The following ADGRB3 variants were observed in gnomAD, a reference collection of about 807,000 sequenced individuals.
ADGRB3 encodes the protein adhesion G protein-coupled receptor B3, also known as brain-specific angiogenesis inhibitor 3.
Under a neutral mutation model 193.4 loss-of-function variants are expected in ADGRB3, and 37 were observed. The ratio of observed to expected loss-of-function variants is 0.19; its 90% CI spans 0.15 to 0.25. The LOEUF (loss-of-function observed/expected upper bound fraction) is 0.25. Among genes scored for constraint, ADGRB3 ranks in the 10% least tolerant of loss-of-function variants. The pLI is 1.00. For synonymous variants in ADGRB3, 690 were observed against 644.2 expected, an observed-to-expected ratio of 1.07 and a Z score of -1.08; for missense variants, 1,637 against 1,852.9, an observed-to-expected ratio of 0.88 and a Z score of 2.14.
chr6:69,279,077 A>ATGTATT (rs1767365192), intron 20 of ADGRB3, among the ~76,000 whole-genome samples: 1 of 44,380 alleles, frequency 2.3e-5, no homozygotes, highest in Non-Finnish European at 4.4e-5. Context: ...ATATGTATAT[A>ATGTATT]TATATATATA....
At chr6:68,817,307 G>A (rs657848) in intron 3 of ADGRB3, among the ~76,000 whole-genome samples, 9,446 of 43,086 alleles carry the variant, frequency 0.22, 1,589 homozygotes, top group Non-Finnish European at 0.35. Flanking sequence ...TTTTGTCCAT[G>A]TATATATATA....
At chr6:69,121,373 C>A (rs1057295999) in intron 17 of ADGRB3, among the ~76,000 whole-genome samples, 2 of 152,192 alleles carry the variant, frequency 1.3e-5, no homozygotes, top group African/African-American at 4.8e-5. Flanking sequence ...TTTCTTAGTA[C>A]AGAACAAAAT....
chr6:69,219,435 G>A (rs1765840608), intron 17 of ADGRB3, among the ~76,000 whole-genome samples: 1 of 121,618 alleles, frequency 8.2e-6, no homozygotes, highest in Non-Finnish European at 1.8e-5. Context: ...ACATTTCTAT[G>A]CTTTAACTTA....
intron 17 of ADGRB3, among the ~76,000 whole-genome samples, chr6:69,133,931 A>G (rs991934310): frequency 1.3e-5 from 2 of 152,084 alleles, no homozygotes; most frequent in Admixed American, 6.6e-5. Flanking sequence ...GTGAGATCAT[A>G]AGATGTTTTG....
chr6:69,118,349 A>G (rs937198719), intron 17 of ADGRB3, among the ~76,000 whole-genome samples: 3 of 152,170 alleles, frequency 2.0e-5, no homozygotes, highest in Non-Finnish European at 2.9e-5. Flanking sequence ...TTTAATATAT[A>G]GTATAAATAA....
intron 20 of ADGRB3, among the ~76,000 whole-genome samples, chr6:69,241,817 A>G (rs1212846368): frequency 6.6e-6 from 1 of 151,894 alleles, no homozygotes; most frequent in African/African-American, 2.4e-5. Context: ...AATTTTTGCT[A>G]CTATAGTTAT....
At chr6:69,020,304 A>G (rs1232252747) in intron 13 of ADGRB3, among the ~76,000 whole-genome samples, 1 of 152,100 alleles carries the variant, frequency 6.6e-6, no homozygotes, top group African/African-American at 2.4e-5. Flanking sequence ...TAGCAAACTT[A>G]AATTGGATTT....
chr6:69,060,921 A>G (rs545101257), intron 15 of ADGRB3, among the ~76,000 whole-genome samples: 186 of 152,106 alleles, frequency 1.2e-3, no homozygotes, highest in African/African-American at 4.1e-3. Flanking sequence ...CAACTTTGTC[A>G]ATTTCTCTAT....
intron 17 of ADGRB3, among the ~76,000 whole-genome samples, chr6:69,162,877 G>C (rs368410048): frequency 1.3e-5 from 2 of 152,162 alleles, no homozygotes; most frequent in South Asian, 4.1e-4. Context: ...TCAAGAAGCT[G>C]TCATCTTAGC....
At chr6:68,961,471 G>A (rs1437773648) in intron 8 of ADGRB3, among the ~76,000 whole-genome samples, 1 of 152,038 alleles carries the variant, frequency 6.6e-6, no homozygotes, top group Non-Finnish European at 1.5e-5. Context: ...CTTGGTGTGG[G>A]GATGGTGTCA....
chr6:69,114,522 A>G (rs546465844), intron 17 of ADGRB3, among the ~76,000 whole-genome samples: 97 of 152,046 alleles, frequency 6.4e-4, no homozygotes, highest in Non-Finnish European at 1.6e-4. Flanking sequence ...ATTAGATCCT[A>G]TTTGTCAATT....
intron 24 of ADGRB3, among the ~76,000 whole-genome samples, chr6:69,335,145 TA>T (rs894498027): frequency 2.0e-5 from 3 of 152,058 alleles, no homozygotes; most frequent in African/African-American, 7.2e-5. Flanking sequence ...AAAAATTTAA[TA>T]AAAAATTTAA....
chr6:69,251,977 A>G (rs564089531), intron 20 of ADGRB3, among the ~76,000 whole-genome samples: 74 of 152,270 alleles, frequency 4.9e-4, no homozygotes, highest in Non-Finnish European at 9.0e-4. Context: ...GGTTGGACCA[A>G]TATATACTTA....
rs145615039 is a variant in ADGRB3, at chr6:69,232,489, G to A, written c.2481-801G>A. On this transcript the variant is annotated intron_variant, in intron 17 of 31. Transcript: ENST00000370598. The stretch of plus-strand genomic sequence containing the variant: ...CCTACTCCTACTGGACTTTGGGGTG[G>A]GGTTATTCCTCTGAATGTTCTAGCG... The A allele has an allele frequency of 7.0e-5, 107 of 1,534,734 alleles. No individual in the cohort carries two copies. In the East Asian group the frequency reaches 2.4e-3, roughly 35 times the overall value.
At chr6:68,939,227 G>T (rs112210771) in intron 5 of ADGRB3, among the ~76,000 whole-genome samples, 4 of 151,980 alleles carry the variant, frequency 2.6e-5, no homozygotes, top group African/African-American at 7.3e-5. Flanking sequence ...AAAGTTTTTC[G>T]TCCCCATTTA....
intron 26 of ADGRB3, among the ~76,000 whole-genome samples, chr6:69,352,386 G>T (rs188714681): frequency 6.6e-6 from 1 of 152,116 alleles, no homozygotes; most frequent in East Asian, 1.9e-4. Flanking sequence ...ATTTCACTAC[G>T]TCTGTACTTA....
At chr6:69,001,919 C>T (rs2150279282) in intron 11 of ADGRB3, among the ~76,000 whole-genome samples, 1 of 152,286 alleles carries the variant, frequency 6.6e-6, no homozygotes, top group South Asian at 2.1e-4. Context: ...ATATTTACCT[C>T]ACTCTGTGTA....
At chr6:69,330,066 T>G (rs1338886210) in intron 22 of ADGRB3, among the ~76,000 whole-genome samples, 1 of 152,132 alleles carries the variant, frequency 6.6e-6, no homozygotes, top group Non-Finnish European at 1.5e-5. Flanking sequence ...AATATTTCAA[T>G]GACCTCGAGG....
At chr6:69,042,115 T>TTC in intron 13 of ADGRB3, among the ~76,000 whole-genome samples, 2 of 152,318 alleles carry the variant, frequency 1.3e-5, no homozygotes, top group Middle Eastern at 3.4e-3. Flanking sequence ...GGGCATTCAT[T>TTC]TCTCTCTCTG....
Sources: gnomAD v4.1 joint callset for allele counts (sites outside exome capture counted in the v4.1 genomes callset) on GRCh38, gnomAD v4.1.1 for gene constraint, MANE v1.5 for transcripts, NCBI Gene and HGNC (gene_info 2026-07-23, HGNC 2026-07-21) for gene names.